Variants in CCDC73 observed in about 807,000 individuals in gnomAD.
CCDC73 encodes the protein coiled-coil domain containing 73, also known as coiled-coil domain-containing protein 73.
CCDC73 carries 95 observed loss-of-function variants against 116.5 expected under a neutral mutation model. That is an observed-to-expected ratio of 0.82 (90% CI 0.69 to 0.97). The LOEUF (loss-of-function observed/expected upper bound fraction) is 0.97. Ranked by LOEUF, CCDC73 falls within the 50% of genes least tolerant of loss-of-function variation. The probability of loss-of-function intolerance (pLI) is 0.00; values close to 1 mark genes in which losing one functional copy is unlikely to be tolerated. For missense variants in CCDC73, 1,066 were observed against 1,206.8 expected (o/e 0.88, Z 1.73); for synonymous variants, 398 against 401.3 (o/e 0.99, Z 0.10).
At chr11:32,811,384 A>AT in the CCDC73 span, among the ~76,000 whole-genome samples, 1,959 of 152,018 alleles carry the variant, frequency 0.013, 40 homozygotes, top group African/African-American at 0.045. Flanking sequence ...CCTAACTTTC[A>AT]TTTTCACTCA....
intron 3 of CCDC73, among the ~76,000 whole-genome samples, chr11:32,716,937 T>C (rs757777241): frequency 2.6e-5 from 4 of 152,230 alleles, no homozygotes; most frequent in Non-Finnish European, 5.9e-5. Flanking sequence ...AAAAACAAGA[T>C]ATAACTTTAC....
chr11:32,645,233 T>C (rs1296731432), intron 12 of CCDC73, among the ~76,000 whole-genome samples: 2 of 152,238 alleles, frequency 1.3e-5, no homozygotes, highest in African/African-American at 2.4e-5. Context: ...TCTGGAATAC[T>C]TCCTGAAGGA....
the CCDC73 span, among the ~76,000 whole-genome samples, chr11:32,807,235 C>T: frequency 6.6e-6 from 1 of 152,200 alleles, no homozygotes; most frequent in South Asian, 2.1e-4. Context: ...TGCCAACATC[C>T]TGCATTTATG....
chr11:32,661,546 C>T (rs1009007350), intron 9 of CCDC73, among the ~76,000 whole-genome samples: 1 of 149,832 alleles, frequency 6.7e-6, no homozygotes, highest in Non-Finnish European at 1.5e-5. Context: ...TGAGAACATG[C>T]GGTGTTTGGA....
At chr11:32,728,799 G>A (rs566517520) in intron 2 of CCDC73, among the ~76,000 whole-genome samples, 1 of 152,228 alleles carries the variant, frequency 6.6e-6, no homozygotes, top group Non-Finnish European at 1.5e-5. Flanking sequence ...CTGCCTCCCA[G>A]GTTCAAGCAA....
At chr11:32,757,983 A>G (rs530232473) in intron 2 of CCDC73, among the ~76,000 whole-genome samples, 1 of 152,194 alleles carries the variant, frequency 6.6e-6, no homozygotes, top group Non-Finnish European at 1.5e-5. Flanking sequence ...CAATGGGTAT[A>G]TGGGTGTTCA....
chr11:32,798,917 G>GC (rs797004020), upstream of CCDC73, among the ~76,000 whole-genome samples: 21 of 149,738 alleles, frequency 1.4e-4, no homozygotes, highest in African/African-American at 2.2e-4. Context: ...GTTTGTTTTG[G>GC]GGGGGGGCGT....
rs1164612755 is a variant in CCDC73, at chr11:32,755,617, GTA to G, written c.135+4490_135+4491del. Among the ~76,000 whole-genome samples, 3 of 61,912 alleles carry G rather than the reference GTA, an allele frequency of 4.8e-5. 1 individual carries two copies. The highest frequency in any genetic ancestry group is 9.5e-5 in the Non-Finnish European group (3 of 31,742). 40.6% of individuals were successfully genotyped at this position (61,912 alleles called of 152,430 possible). ...TATATATATCCATATATATGTGTGT[GTA>G]TATATATATCTCCATATATATGTGT... is the stretch of plus-strand genomic sequence containing the variant. On this transcript the variant is annotated intron_variant, in intron 2 of 17. Transcript: ENST00000335185.
At position 32,611,280 on chromosome 11, in the gene CCDC73, G is replaced by T; in HGVS notation, c.2897-15C>A. On this transcript the variant is annotated splice_polypyrimidine_tract_variant and intron_variant, in intron 16 of 17. Coordinates refer to ENST00000335185, the MANE Select transcript of CCDC73 (RefSeq NM_001008391.4). The stretch of plus-strand genomic sequence containing the variant: ...GCTGGTAGTATCTGATTGATAAAGA[G>T]GAAATGGCAACAACTGAATTTTTCT... 1 of 1,605,166 alleles carries T rather than the reference G, an allele frequency of 6.2e-7. No homozygotes were observed. The highest frequency in any genetic ancestry group is 8.5e-7 in the Non-Finnish European group (1 of 1,176,162).
chr11:32,677,667 G>C (rs780233692), intron 7 of CCDC73, among the ~76,000 whole-genome samples: 49 of 151,932 alleles, frequency 3.2e-4, no homozygotes, highest in Non-Finnish European at 1.2e-4. Context: ...TAAAACCAAA[G>C]TACAGGCCAG....
At chr11:32,657,496 T>TCCTCATTTATCCTCC (rs1174232928) in intron 9 of CCDC73, among the ~76,000 whole-genome samples, 1 of 152,134 alleles carries the variant, frequency 6.6e-6, no homozygotes, top group Non-Finnish European at 1.5e-5. Flanking sequence ...AGTAGTATAG[T>TCCTCATTTATCCTCC]GGATATCCTC....
At position 32,793,406 on chromosome 11, in the gene CCDC73, ATTTATCAC is replaced by A. The variant is rs1390753380; in HGVS notation, c.-16+1199_-16+1206del. 1.9e-4 allele frequency among the ~76,000 whole-genome samples: 29 copies of A among 152,168 alleles called. 2 individuals are homozygous for A. ...GTATAAAACAAAGAGAGCCATAGGA[ATTTATCAC>A]AACTAAAGCAAAATAACCAATAATC... On this transcript the variant is annotated intron_variant, in intron 1 of 17. Transcript: ENST00000335185.
Position 32,757,384 on chromosome 11 carries a change from A to C in CCDC73, c.135+2725T>G, listed in dbSNP as rs186371424. ...CAGTTAATAATATACATACTGAAGC[A>C]TATAATTTCCAACTTATTTGGAAAT... On this transcript the variant is annotated intron_variant, in intron 2 of 17. Coordinates refer to ENST00000335185, the MANE Select transcript of CCDC73 (RefSeq NM_001008391.4). Among the ~76,000 whole-genome samples, 59 of 152,336 alleles carry C rather than the reference A, an allele frequency of 3.9e-4. 1 individual carries two copies. The East Asian group carries it at 8.9e-3, about 23-fold the overall frequency.
Position 32,613,419 on chromosome 11 carries a change from T to TA in CCDC73, c.2896+2dup. The TA allele has an allele frequency of 6.3e-7, 1 of 1,589,194 alleles. No individual in the cohort carries two copies. The highest frequency in any genetic ancestry group is 8.6e-7 in the Non-Finnish European group (1 of 1,165,634). Reference sequence around the variant, plus strand: ...GAATTAAAACATTACTTTGTTTTCTTACCTGGTCCAATATCCTTTCCAACA... The same window carrying TA: ...GAATTAAAACATTACTTTGTTTTCTTAACCTGGTCCAATATCCTTTCCAACA... On this transcript the variant is annotated splice_region_variant and intron_variant, in intron 16 of 17. Transcript: ENST00000335185.
At chr11:32,714,131 A>G (rs1849924411) in intron 3 of CCDC73, among the ~76,000 whole-genome samples, 1 of 152,030 alleles carries the variant, frequency 6.6e-6, no homozygotes, top group Admixed American at 6.6e-5. Context: ...AAACCTTGTC[A>G]TTTATTTAGA....
chr11:32,756,797 A>G (rs562528855), intron 2 of CCDC73, among the ~76,000 whole-genome samples: 1 of 152,194 alleles, frequency 6.6e-6, no homozygotes, highest in East Asian at 1.9e-4. Flanking sequence ...AATTGTATCA[A>G]TCTTTTTGCA....
intron 2 of CCDC73, among the ~76,000 whole-genome samples, chr11:32,741,606 T>C (rs1850187172): frequency 6.6e-6 from 1 of 151,732 alleles, no homozygotes; most frequent in Non-Finnish European, 1.5e-5. Flanking sequence ...AGGTAACAGA[T>C]TGTTGAGTCT....
intron 17 of CCDC73, among the ~76,000 whole-genome samples, chr11:32,607,757 T>C (rs907637212): frequency 4.6e-5 from 7 of 151,406 alleles, no homozygotes; most frequent in Non-Finnish European, 8.8e-5. Flanking sequence ...TAGGAAAGAG[T>C]GAAAAGGGTG....
chr11:32,640,878 G>A (rs139655193), intron 13 of CCDC73, among the ~76,000 whole-genome samples: 4,141 of 152,030 alleles, frequency 0.027, 80 homozygotes, highest in Non-Finnish European at 0.031. Context: ...TTAGCCGGGC[G>A]TGGTGGCGGG....
Sources: allele counts gnomAD v4.1 joint callset (sites outside exome capture counted in the v4.1 genomes callset), GRCh38; gene constraint gnomAD v4.1.1; transcripts MANE v1.5; gene names NCBI Gene and HGNC (gene_info 2026-07-23, HGNC 2026-07-21).